PCCA: variants seen among roughly 807,000 people sequenced by gnomAD.
PCCA encodes propionyl-CoA carboxylase subunit alpha, also known as propionyl-CoA carboxylase alpha chain, mitochondrial.
In PCCA, 74 loss-of-function variants were observed where a neutral mutation model predicts 101.3. That is an observed-to-expected ratio of 0.73 (90% confidence interval 0.61 to 0.89). The LOEUF is 0.89. PCCA is among the 40% of genes least tolerant of loss of function. The pLI, the probability that PCCA is intolerant of heterozygous loss-of-function variation, is 0.00. For synonymous variants in PCCA, 294 were observed against 313.6 expected (o/e 0.94, Z 0.66); for missense variants, 891 against 907.0 (o/e 0.98, Z 0.23).
At chr13:100,312,801 T>C (rs2067027642) in intron 16 of PCCA, among the ~76,000 whole-genome samples, 1 of 152,226 alleles carries the variant, frequency 6.6e-6, no homozygotes, top group African/African-American at 2.4e-5. Flanking sequence ...CAATTTGTAG[T>C]CATGTGTAGT....
At position 100,183,448 on chromosome 13, in the gene PCCA, G is replaced by C. The variant is rs367957660; in HGVS notation, c.469-25884G>C. ...TGAAGAAGTTTATAGGGGGACTACAGCAGGGAAGAAATACTGGGAGGAGTT... is the reference window on the plus strand; with the variant it reads ...TGAAGAAGTTTATAGGGGGACTACACCAGGGAAGAAATACTGGGAGGAGTT... On this transcript the variant is annotated intron_variant, in intron 6 of 23. Transcript: ENST00000376285. 9.7e-4 allele frequency among the ~76,000 whole-genome samples: 147 copies of C among 152,322 alleles called. 4 individuals carry two copies. The South Asian group carries it at 0.028, about 29-fold the overall frequency.
rs142120500 is a variant in PCCA at position 100,307,883 on chromosome 13, G to T, written c.1353+623G>T. ...ATTTTATTATTATTTTTTTGAGATG[G>T]AGTCTCGCTCTGTCCGCCAGCCTGG... On this transcript the variant is annotated intron_variant, in intron 15 of 23. Coordinates refer to ENST00000376285, the MANE Select transcript of PCCA (RefSeq NM_000282.4). Among the ~76,000 whole-genome samples the T allele has an allele frequency of 5.9e-5, 9 of 152,122 alleles. No homozygotes were observed. The East Asian group carries it at 1.7e-3, about 29-fold the overall frequency.
chr13:100,480,245 T>G (rs892791729), intron 21 of PCCA: 1 of 152,196 alleles, frequency 6.6e-6, no homozygotes, highest in African/African-American at 2.4e-5. Context: ...CCAACTAAAT[T>G]GTAATTTCTA....
At chr13:100,222,019 C>A (rs1005449917) in intron 7 of PCCA, among the ~76,000 whole-genome samples, 1 of 151,606 alleles carries the variant, frequency 6.6e-6, no homozygotes, top group Non-Finnish European at 1.5e-5. Context: ...TTATAGGTGT[C>A]CAGGTGTGAG....
At chr13:100,502,794 C>T (rs2085777882) in intron 21 of PCCA, among the ~76,000 whole-genome samples, 2 of 152,134 alleles carry the variant, frequency 1.3e-5, no homozygotes, top group Admixed American at 1.3e-4. Context: ...GTCACTGCAG[C>T]CAGGCAGAGT....
In PCCA at chr13:100,209,324, C is replaced by A; in HGVS notation, c.469-8C>A. 1 of 1,613,050 alleles carries A rather than the reference C, an allele frequency of 6.2e-7. No homozygotes were observed. The highest frequency in any genetic ancestry group is 8.5e-7 in the Non-Finnish European group (1 of 1,179,090). On this transcript the variant is annotated splice_region_variant and splice_polypyrimidine_tract_variant and intron_variant, in intron 6 of 23. Transcript: ENST00000376285. The stretch of plus-strand genomic sequence containing the variant: ...TTGTTATAAATTTTGACTTGTTTTT[C>A]TCCACAGGCAGCAGAAGATGTCGTT...
chr13:100,168,876 G>T (rs921825949), intron 6 of PCCA, among the ~76,000 whole-genome samples: 3 of 152,156 alleles, frequency 2.0e-5, no homozygotes, highest in African/African-American at 7.2e-5. Context: ...TTTTCATTGT[G>T]TGAAATAAGC....
chr13:100,502,826 A>G (rs1457992421), intron 21 of PCCA, among the ~76,000 whole-genome samples: 1 of 152,250 alleles, frequency 6.6e-6, no homozygotes, highest in African/African-American at 2.4e-5. Context: ...TGCAGATAAC[A>G]AGTCACGCTG....
At chr13:100,104,626 T>C (rs1185868345) in intron 2 of PCCA, 1 of 152,210 alleles carries the variant, frequency 6.6e-6, no homozygotes, top group South Asian at 2.1e-4. Context: ...GTTTATAAAT[T>C]ACCTAGTCTT....
In PCCA at chr13:100,426,030, G is replaced by A. The variant is rs1434127415; in HGVS notation, c.1845+299G>A. 2.0e-5 allele frequency among the ~76,000 whole-genome samples: 3 copies of A among 150,400 alleles called. No individual in the cohort carries two copies. The East Asian group carries it at 5.8e-4, about 29-fold the overall frequency. On this transcript the variant is annotated intron_variant, in intron 20 of 23. Transcript: ENST00000376285. The stretch of plus-strand genomic sequence containing the variant: ...GATTAGCTGTTTTTTTTTTTCCTCT[G>A]TGGGTTTTTAGTTGTAAAATACAAC...
chr13:100,247,908 ATAATAGGTG>A (rs1185533036), intron 8 of PCCA, among the ~76,000 whole-genome samples: 1 of 152,182 alleles, frequency 6.6e-6, no homozygotes. Flanking sequence ...CCCTGTTTAG[ATAATAGGTG>A]TATTACAGTG....
chr13:100,387,475 T>G (rs552686734), intron 19 of PCCA, among the ~76,000 whole-genome samples: 51 of 152,318 alleles, frequency 3.3e-4, no homozygotes, highest in African/African-American at 1.2e-3. Flanking sequence ...CAAGGCTATT[T>G]TAGAGAACAG....
At chr13:100,502,803 G>GT (rs1323803684) in intron 21 of PCCA, among the ~76,000 whole-genome samples, 1 of 152,242 alleles carries the variant, frequency 6.6e-6, no homozygotes, top group Non-Finnish European at 1.5e-5. Context: ...GCCAGGCAGA[G>GT]TTGTCTGTTA....
intron 6 of PCCA, among the ~76,000 whole-genome samples, chr13:100,163,263 C>T (rs1446837066): frequency 1.3e-5 from 2 of 152,096 alleles, no homozygotes; most frequent in Non-Finnish European, 2.9e-5. Flanking sequence ...TTCTAGTTTT[C>T]CTATTACGCT....
intron 4 of PCCA, among the ~76,000 whole-genome samples, chr13:100,118,788 A>T (rs139597704): frequency 4.7e-4 from 71 of 152,144 alleles, no homozygotes; most frequent in Admixed American, 6.5e-4. Flanking sequence ...GGCTCAAGAG[A>T]TCCTCTTGCC....
chr13:100,448,581 G>C (rs2081004810), intron 20 of PCCA, among the ~76,000 whole-genome samples: 1 of 152,008 alleles, frequency 6.6e-6, no homozygotes, highest in African/African-American at 2.4e-5. Flanking sequence ...AGCAGTAGTA[G>C]TTACTTTTAA....
chr13:100,374,347 G>A (rs559649392), intron 19 of PCCA, among the ~76,000 whole-genome samples: 1 of 152,212 alleles, frequency 6.6e-6, no homozygotes, highest in East Asian at 1.9e-4. Context: ...GCTTGTCATG[G>A]TGATAAGCCG....
intron 8 of PCCA, among the ~76,000 whole-genome samples, chr13:100,252,160 C>T (rs1173172358): frequency 6.6e-6 from 1 of 152,176 alleles, no homozygotes; most frequent in Admixed American, 6.5e-5. Flanking sequence ...TGTCTTTTCT[C>T]TTCTGAGGTC....
chr13:100,273,060 C>T, intron 11 of PCCA, 136 bp from the exon 12 acceptor site: 1 of 656,194 alleles, frequency 1.5e-6, no homozygotes. Context: ...ATATATAAAG[C>T]ACAATATTTT....
Sources: gnomAD v4.1 joint callset for allele counts (sites outside exome capture counted in the v4.1 genomes callset) on GRCh38, gnomAD v4.1.1 for gene constraint, MANE v1.5 for transcripts, NCBI Gene and HGNC (gene_info 2026-07-23, HGNC 2026-07-21) for gene names.